The following TMEM132C variants were observed in gnomAD, a reference collection of about 807,000 sequenced individuals.
TMEM132C encodes the protein protein phosphatase 1, regulatory subunit 152.
A neutral mutation model predicts 61.4 loss-of-function variants in TMEM132C; 29 were observed. That is an observed-to-expected ratio of 0.47 (90% CI 0.35 to 0.64). The LOEUF is 0.64. Among genes scored for constraint, TMEM132C ranks in the 30% least tolerant of loss-of-function variants. TMEM132C has a pLI of 0.00. For synonymous variants in TMEM132C, 656 were observed against 633.1 expected, an observed-to-expected ratio of 1.04 and a Z score of -0.54; for missense variants, 1,408 against 1,476.9, an observed-to-expected ratio of 0.95 and a Z score of 0.76.
intron 4 of TMEM132C, among the ~76,000 whole-genome samples, chr12:128,640,896 C>T (rs1404530945): frequency 4.6e-5 from 7 of 152,116 alleles, no homozygotes; most frequent in African/African-American, 9.7e-5. Flanking sequence ...ATCACACACA[C>T]GCACACACAC....
chr12:128,500,742 T>C (rs766679538), intron 2 of TMEM132C, among the ~76,000 whole-genome samples: 51 of 152,198 alleles, frequency 3.4e-4, no homozygotes, highest in Non-Finnish European at 6.2e-4. Context: ...TGTAACATGG[T>C]ACAAGATGCT....
At chr12:128,615,823 C>T (rs1876781669) in intron 3 of TMEM132C, among the ~76,000 whole-genome samples, 1 of 152,228 alleles carries the variant, frequency 6.6e-6, no homozygotes, top group Admixed American at 6.5e-5. Context: ...AGAGGCCATT[C>T]AGGTGCATAC....
At chr12:128,569,926 T>C (rs990368343) in intron 3 of TMEM132C, among the ~76,000 whole-genome samples, 4 of 152,246 alleles carry the variant, frequency 2.6e-5, no homozygotes, top group Admixed American at 6.5e-5. Flanking sequence ...CTCAGATACA[T>C]TGAAGTCTCT....
intron 4 of TMEM132C, among the ~76,000 whole-genome samples, chr12:128,646,727 T>C (rs1954203205): frequency 6.6e-6 from 1 of 151,024 alleles, no homozygotes; most frequent in Non-Finnish European, 1.5e-5. Flanking sequence ...TCCATCAGCG[T>C]TGGATTAGTG....
intron 1 of TMEM132C, among the ~76,000 whole-genome samples, chr12:128,329,829 T>C (rs1207453551): frequency 6.6e-6 from 1 of 152,160 alleles, no homozygotes; most frequent in East Asian, 1.9e-4. Context: ...GTTCCTCAAA[T>C]TTATAAAGCC....
rs571505692 is a variant in TMEM132C, at chr12:128,632,604, A to T, written c.1305+16269A>T. Among the ~76,000 whole-genome samples the T allele has an allele frequency of 2.0e-5, 3 of 152,318 alleles. No homozygotes were observed. The East Asian group carries it at 5.8e-4, about 29-fold the overall frequency. On this transcript the variant is annotated intron_variant, in intron 4 of 8. Coordinates refer to ENST00000435159, the MANE Select transcript of TMEM132C (RefSeq NM_001136103.3). ...AGGAGTAATTTTTTTCCGACTACGA[A>T]AATGGGAAGATAACAGAGTAGGAGG... is the stretch of plus-strand genomic sequence containing the variant.
At chr12:128,644,355 G>A (rs1419901960) in intron 4 of TMEM132C, among the ~76,000 whole-genome samples, 1 of 152,076 alleles carries the variant, frequency 6.6e-6, no homozygotes, top group Non-Finnish European at 1.5e-5. Flanking sequence ...CCTTTAACTG[G>A]GGAAAGAATA....
chr12:128,344,618 T>A (rs1316556032), intron 1 of TMEM132C, among the ~76,000 whole-genome samples: 1 of 152,224 alleles, frequency 6.6e-6, no homozygotes, highest in Non-Finnish European at 1.5e-5. Flanking sequence ...TTTCTCTGCA[T>A]CCTCATCAAC....
In TMEM132C at chr12:128,415,529, T is replaced by A; in HGVS notation, c.883T>A (p.Trp295Arg). 6.4e-7 allele frequency: 1 copy of A among 1,551,454 alleles called. No individual in the cohort carries two copies. The highest frequency in any genetic ancestry group is 2.0e-5 in the Admixed American group (1 of 51,006). ...GCGTTTGGATGGTAACGTGGTCATC[T>A]GGCTGCCTTCCAGGCCAGTCAAGCA... ...ELRLDGNVVI[W>R]LPSRPVKQGE... The change falls in exon 2 of 9, where the codon TGG (tryptophan) becomes AGG (arginine). Residue 295 changes from tryptophan (W) to arginine (R), a missense_variant. By Grantham distance (101) the Trp-to-Arg change is moderately radical (BLOSUM62 -3). Coordinates refer to ENST00000435159, the MANE Select transcript of TMEM132C (RefSeq NM_001136103.3). The surrounding 1 kb of genome is among the most constrained non-coding windows in gnomAD (Gnocchi z 5.8).
At chr12:128,556,094 A>T (rs949395662) in intron 3 of TMEM132C, among the ~76,000 whole-genome samples, 1 of 152,164 alleles carries the variant, frequency 6.6e-6, no homozygotes, top group Non-Finnish European at 1.5e-5. Context: ...GGTGGAGAGT[A>T]GGGGAGAGGA....
intron 4 of TMEM132C, among the ~76,000 whole-genome samples, chr12:128,649,168 T>C (rs115770738): frequency 7.3e-4 from 111 of 152,356 alleles, no homozygotes; most frequent in African/African-American, 2.2e-3. Flanking sequence ...CACAACAGAC[T>C]ACTGATGGAA....
intron 3 of TMEM132C, among the ~76,000 whole-genome samples, chr12:128,597,221 T>G (rs1156237086): frequency 1.3e-5 from 2 of 152,174 alleles, no homozygotes; most frequent in Admixed American, 6.5e-5. Context: ...GGGTCACGTC[T>G]GTAATCCCAG....
intron 2 of TMEM132C, among the ~76,000 whole-genome samples, chr12:128,452,439 G>T (rs888252931): frequency 1.3e-5 from 2 of 151,702 alleles, no homozygotes; most frequent in African/African-American, 2.4e-5. Flanking sequence ...GGCAATGTGG[G>T]CTGGGCATGG....
chr12:128,531,200 G>A (rs770029130), intron 2 of TMEM132C, among the ~76,000 whole-genome samples: 1 of 152,228 alleles, frequency 6.6e-6, no homozygotes, highest in African/African-American at 2.4e-5. Context: ...GTTAGAAGTA[G>A]CAACAATGCT....
chr12:128,426,153 G>A (rs1328507538), intron 2 of TMEM132C, among the ~76,000 whole-genome samples: 4 of 152,208 alleles, frequency 2.6e-5, no homozygotes, highest in South Asian at 2.1e-4. Context: ...CCTTCGCCAC[G>A]TGGAGAATAA....
intron 5 of TMEM132C, among the ~76,000 whole-genome samples, chr12:128,686,095 CGCATGTGTGT>C (rs1385582294): frequency 4.1e-5 from 6 of 145,906 alleles, no homozygotes; most frequent in African/African-American, 1.6e-4. Context: ...GTGTTGTGTG[CGCATGTGTGT>C]GCATGTGTGT....
At chr12:128,418,406 A>G (rs1373555579) in intron 2 of TMEM132C, among the ~76,000 whole-genome samples, 1 of 152,156 alleles carries the variant, frequency 6.6e-6, no homozygotes, top group Non-Finnish European at 1.5e-5. Flanking sequence ...ATTGGCAGGC[A>G]ACAGTGTGGC....
chr12:128,433,619 G>A (rs1447844552), intron 2 of TMEM132C, among the ~76,000 whole-genome samples: 1 of 152,240 alleles, frequency 6.6e-6, no homozygotes, highest in Non-Finnish European at 1.5e-5. Context: ...GAAAAAGAGT[G>A]TCAGACGGGA....
intron 1 of TMEM132C, among the ~76,000 whole-genome samples, chr12:128,332,056 A>G (rs1351836376): frequency 6.6e-6 from 1 of 152,164 alleles, no homozygotes; most frequent in East Asian, 1.9e-4. Flanking sequence ...TTCAACTCCT[A>G]CATTTTATGG....
Sources: gnomAD v4.1 joint callset for allele counts (sites outside exome capture counted in the v4.1 genomes callset) on GRCh38, gnomAD v4.1.1 for gene constraint, Gnocchi (gnomAD v3.1) non-coding constraint, MANE v1.5 for transcripts, NCBI Gene and HGNC (gene_info 2026-07-23, HGNC 2026-07-21) for gene names.